TCTN1: variants seen among roughly 807,000 people sequenced by gnomAD.
TCTN1 encodes the protein tectonic family member 1.
TCTN1 carries 58 observed loss-of-function variants against 65.8 expected under a neutral mutation model. That is an observed-to-expected ratio of 0.88 (90% CI 0.71 to 1.10). The LOEUF is 1.10. TCTN1 is among the 50% of genes least tolerant of loss of function. TCTN1 has a pLI of 0.00. For synonymous variants in TCTN1, 273 were observed against 289.1 expected, an observed-to-expected ratio of 0.94 and a Z score of 0.57; for missense variants, 645 against 719.4, an observed-to-expected ratio of 0.90 and a Z score of 1.18.
At chr12:110,632,377 G>A in intron 4 of TCTN1, 95 bp from the exon 5 acceptor site, 1 of 1,257,482 alleles carries the variant, frequency 8.0e-7, no homozygotes, top group Non-Finnish European at 1.2e-6. Context: ...TGTCTCTGAT[G>A]CCTGCAGTGC....
At position 110,626,468 on chromosome 12, in the gene TCTN1, A is replaced by G. The variant is rs199927650; in HGVS notation, c.448A>G (p.Ile150Val). The change falls in exon 3 of 15, where the codon ATT becomes GTT. Residue 150 changes from isoleucine to valine, a missense_variant. Ile to Val is a conservative substitution (Grantham distance 29). Coordinates refer to ENST00000397659, the MANE Select transcript of TCTN1 (RefSeq NM_001082538.3). ...ACTTGTTGACCAGATTAATCCATCT[A>G]TTTTCTGCATTCATATTACAAACTG... is the stretch of plus-strand genomic sequence containing the variant. ...FELVDQINPS[I>V]FCIHITNYKP... The G allele has an allele frequency of 1.9e-6, 3 of 1,612,542 alleles. No homozygotes were observed. The highest frequency in any genetic ancestry group is 1.7e-6 in the Non-Finnish European group (2 of 1,179,380).
intron 12 of TCTN1, chr12:110,645,658 TCA>T (rs1402394289): frequency 5.8e-6 from 1 of 173,524 alleles, no homozygotes. Context: ...CCACAGTTCC[TCA>T]CAGAGTTGAA....
chr12:110,643,453 C>T (rs950163259), intron 11 of TCTN1: 6 of 152,324 alleles, frequency 3.9e-5, no homozygotes, highest in Admixed American at 3.9e-4. Flanking sequence ...CCACTTTCAA[C>T]TCTTGTAGCT....
At position 110,634,683 on chromosome 12, in the gene TCTN1, C is replaced by T. The variant is rs2066445825; in HGVS notation, c.726C>T (p.Asn242=). The T allele has an allele frequency of 6.2e-7, 1 of 1,608,296 alleles. No homozygotes were observed. Among genetic ancestry groups the T allele is most frequent in the African/African-American group, 1.3e-5 (1 of 74,792 alleles). ...AATGATTTCTAGCGTTTCTGGTGAA[C>T]CAGGCTGTTAAGTGCACCAGAAAAA... ...TDNNPAAFLV[N]QAVKCTRKIN... The change falls in exon 6 of 15, where the codon AAC becomes AAT. Residue 242 remains asparagine, a synonymous_variant. Coordinates refer to ENST00000397659, the MANE Select transcript of TCTN1 (RefSeq NM_001082538.3).
chr12:110,631,154 T>C (rs111834095), intron 4 of TCTN1, among the ~76,000 whole-genome samples: 7 of 151,978 alleles, frequency 4.6e-5, no homozygotes, highest in African/African-American at 1.2e-4. Context: ...TTTGTAGAGA[T>C]GGGGTTTCAC....
At chr12:110,624,136 G>A (rs1364644081) in intron 2 of TCTN1, among the ~76,000 whole-genome samples, 1 of 151,182 alleles carries the variant, frequency 6.6e-6, no homozygotes, top group Non-Finnish European at 1.5e-5. Flanking sequence ...GGCCCAGGCT[G>A]GTCTTGAAAT....
intron 13 of TCTN1, 78 bp from the exon 14 acceptor site, chr12:110,647,671 G>T: frequency 6.3e-7 from 1 of 1,595,250 alleles, no homozygotes; most frequent in South Asian, 1.1e-5. Context: ...GGGTGAGGAA[G>T]AGAATGAAAA....
At chr12:110,622,309 C>T (rs1474632604) in intron 2 of TCTN1, among the ~76,000 whole-genome samples, 1 of 152,094 alleles carries the variant, frequency 6.6e-6, no homozygotes, top group African/African-American at 2.4e-5. Context: ...TTTCCTTTTC[C>T]TGTCTCAGCA....
intron 1 of TCTN1, chr12:110,616,421 AT>A: frequency 3.5e-6 from 1 of 282,398 alleles, no homozygotes; most frequent in Non-Finnish European, 7.4e-6. Flanking sequence ...CGCCCGGCTA[AT>A]TTTTTGTAGG....
intron 5 of TCTN1, among the ~76,000 whole-genome samples, chr12:110,633,268 T>A (rs376989085): frequency 3.3e-5 from 5 of 152,206 alleles, no homozygotes; most frequent in Admixed American, 6.5e-5. Context: ...ACGATAGGAA[T>A]GTATTCTGTA....
At chr12:110,615,311 A>G (rs140438144) in intron 1 of TCTN1, among the ~76,000 whole-genome samples, 1 of 152,170 alleles carries the variant, frequency 6.6e-6, no homozygotes, top group Non-Finnish European at 1.5e-5. Context: ...AATGACTGTG[A>G]CCCGCTAAGA....
intron 3 of TCTN1, chr12:110,628,175 G>A (rs2135998197): frequency 2.0e-6 from 3 of 1,535,978 alleles, no homozygotes; most frequent in East Asian, 2.4e-5. Context: ...TCAGTCCAGG[G>A]GCTAGAGAAA....
intron 6 of TCTN1, 85 bp from the exon 7 acceptor site, chr12:110,636,396 T>A (rs775662991): frequency 2.1e-6 from 2 of 932,156 alleles, no homozygotes; most frequent in Non-Finnish European, 3.4e-6. Context: ...ATGAATATAC[T>A]CTTCAACTCG....
chr12:110,621,507 C>T (rs944820635), intron 2 of TCTN1, among the ~76,000 whole-genome samples: 1 of 150,896 alleles, frequency 6.6e-6, no homozygotes, highest in African/African-American at 2.4e-5. Context: ...GAGTCTTGCT[C>T]TGTTGCCCAG....
chr12:110,638,449 T>C (rs981293325), intron 7 of TCTN1, among the ~76,000 whole-genome samples: 1 of 152,204 alleles, frequency 6.6e-6, no homozygotes, highest in Admixed American at 6.5e-5. Flanking sequence ...AAGACTGTTA[T>C]GATTGCCTGG....
intron 4 of TCTN1, chr12:110,629,615 A>G (rs2066088842): frequency 6.6e-6 from 1 of 152,266 alleles, no homozygotes; most frequent in South Asian, 2.1e-4. Context: ...GAGGATATGG[A>G]GAAATAGGAA....
intron 12 of TCTN1, chr12:110,646,310 A>G (rs1012645337): frequency 6.6e-6 from 1 of 151,054 alleles, no homozygotes; most frequent in Non-Finnish European, 1.5e-5. Context: ...GTTCCAAGCT[A>G]AGGAATTCCA....
intron 11 of TCTN1, among the ~76,000 whole-genome samples, chr12:110,642,686 G>T (rs1394557187): frequency 1.3e-5 from 2 of 151,896 alleles, no homozygotes; most frequent in Non-Finnish European, 2.9e-5. Flanking sequence ...CTGCAGCCCT[G>T]ACCTCCTGGG....
At chr12:110,641,859 GTT>G (rs996126064) in intron 10 of TCTN1, 76 of 426,068 alleles carry the variant, frequency 1.8e-4, no homozygotes, top group Middle Eastern at 6.3e-4. Flanking sequence ...AAATGTCAGT[GTT>G]TTTTTTTTTT....
Sources: allele counts gnomAD v4.1 joint callset (sites outside exome capture counted in the v4.1 genomes callset), GRCh38; gene constraint gnomAD v4.1.1; transcripts MANE v1.5; gene names NCBI Gene and HGNC (gene_info 2026-07-23, HGNC 2026-07-21).